SYT2: variants seen among roughly 807,000 people sequenced by gnomAD.
The protein encoded by SYT2 is synaptotagmin-2.
SYT2 carries 15 observed loss-of-function variants against 39.9 expected under a neutral mutation model. That is an observed-to-expected ratio of 0.38 (90% confidence interval 0.25 to 0.58). The LOEUF is 0.58. Among genes scored for constraint, SYT2 ranks in the 20% least tolerant of loss-of-function variants. The pLI is 0.70. For synonymous variants in SYT2, 181 were observed against 204.5 expected (o/e 0.89, Z 0.98); for missense variants, 389 against 530.3 (o/e 0.73, Z 2.62).
intron 1 of SYT2, among the ~76,000 whole-genome samples, chr1:202,698,423 T>C (rs1241683318): frequency 6.6e-6 from 1 of 152,090 alleles, no homozygotes; most frequent in Non-Finnish European, 1.5e-5. Flanking sequence ...TCCTCCACCA[T>C]CCTGCAGAGC....
chr1:202,604,707 A>T, intron 2 of SYT2, 86 bp from the exon 3 acceptor site: 1 of 1,353,682 alleles, frequency 7.4e-7, no homozygotes, highest in Non-Finnish European at 1.0e-6. Context: ...TGGGTGAGGA[A>T]TATGACTGCC....
chr1:202,617,608 A>G (rs1043642936), intron 1 of SYT2, among the ~76,000 whole-genome samples: 2 of 152,168 alleles, frequency 1.3e-5, no homozygotes, highest in Admixed American at 1.3e-4. Context: ...AATACAGTCT[A>G]CACATCTTTC....
intron 1 of SYT2, among the ~76,000 whole-genome samples, chr1:202,650,844 A>G (rs1486620980): frequency 1.3e-5 from 2 of 152,172 alleles, no homozygotes; most frequent in Non-Finnish European, 2.9e-5. Context: ...ATGGCTTCTG[A>G]GTGGCTCTTG....
In SYT2 at chr1:202,592,546, C is replaced by G. The variant is rs1016537216; in HGVS notation, c.*4211G>C. On this transcript the variant is annotated 3_prime_UTR_variant, in exon 9 of 9. Transcript: ENST00000367268. Reference sequence around the variant, plus strand: ...TTTACAGAAAGTTATAGACATGCATCTTGATTAAACAAGATTCTGTTCATA... The same window carrying G: ...TTTACAGAAAGTTATAGACATGCATGTTGATTAAACAAGATTCTGTTCATA... 6.6e-6 allele frequency: 1 copy of G among 152,232 alleles called. No individual in the cohort carries two copies. The highest frequency in any genetic ancestry group is 6.5e-5 in the Admixed American group (1 of 15,286). 9.4% of individuals were successfully genotyped at this position (152,232 alleles called of 1,614,324 possible).
chr1:202,701,689 G>A (rs978414156), intron 1 of SYT2, among the ~76,000 whole-genome samples: 2 of 152,176 alleles, frequency 1.3e-5, no homozygotes, highest in Non-Finnish European at 2.9e-5. Context: ...CACCATCAAT[G>A]TCAAGCATGG....
intron 1 of SYT2, among the ~76,000 whole-genome samples, chr1:202,634,891 G>A (rs541281700): frequency 2.0e-5 from 3 of 152,252 alleles, no homozygotes; most frequent in African/African-American, 4.8e-5. Context: ...TGGAAGAATC[G>A]AGGGTGACTG....
chr1:202,607,191 C>A (rs1053767069), intron 1 of SYT2, among the ~76,000 whole-genome samples: 5 of 152,286 alleles, frequency 3.3e-5, no homozygotes, highest in Non-Finnish European at 7.4e-5. Context: ...AACTGAAAGT[C>A]CCATGAGGGC....
chr1:202,689,727 A>C, intron 1 of SYT2, among the ~76,000 whole-genome samples: 1 of 152,074 alleles, frequency 6.6e-6, no homozygotes, highest in East Asian at 1.9e-4. Flanking sequence ...ATCCTCTCAG[A>C]CATCCCAGGG....
At chr1:202,612,963 T>C (rs1411590581) in intron 1 of SYT2, among the ~76,000 whole-genome samples, 1 of 152,190 alleles carries the variant, frequency 6.6e-6, no homozygotes, top group Non-Finnish European at 1.5e-5. Flanking sequence ...GGAATTGTTT[T>C]CTTAATTTCA....
intron 1 of SYT2, among the ~76,000 whole-genome samples, chr1:202,676,875 T>G (rs1009679840): frequency 6.6e-6 from 1 of 152,314 alleles, no homozygotes; most frequent in Admixed American, 6.5e-5. Context: ...CTAATTGTAA[T>G]CCCCACATGT....
Position 202,679,054 on chromosome 1 carries a change from C to T in SYT2, c.-18+31204G>A, listed in dbSNP as rs1653458970. 3.9e-5 allele frequency among the ~76,000 whole-genome samples: 6 copies of T among 152,210 alleles called. No homozygotes were observed. The South Asian group carries it at 1.2e-3, about 32-fold the overall frequency. On this transcript the variant is annotated intron_variant, in intron 1 of 8. Coordinates refer to ENST00000367268, the MANE Select transcript of SYT2 (RefSeq NM_177402.5). ...CCATGCAAGCATTTGCCAAGGGCCA[C>T]ACCCCTTCTGCCCTCTCTCCCTTGC... is the stretch of plus-strand genomic sequence containing the variant.
chr1:202,613,591 A>G (rs1474362189), intron 1 of SYT2, among the ~76,000 whole-genome samples: 3 of 151,986 alleles, frequency 2.0e-5, no homozygotes, highest in South Asian at 4.1e-4. Flanking sequence ...TCTTTGGGGG[A>G]AAATCTTTCA....
chr1:202,691,862 AGC>A (rs1653846245), intron 1 of SYT2, among the ~76,000 whole-genome samples: 1 of 151,376 alleles, frequency 6.6e-6, no homozygotes, highest in South Asian at 2.1e-4. Context: ...GGAGCCTGGA[AGC>A]AGAGGATGAC....
chr1:202,708,638 C>T (rs1408486814), intron 1 of SYT2, among the ~76,000 whole-genome samples: 1 of 152,028 alleles, frequency 6.6e-6, no homozygotes, highest in Non-Finnish European at 1.5e-5. Flanking sequence ...GTGTGCCTGG[C>T]GTGGACCCCT....
chr1:202,595,409 A>G lies in SYT2; in HGVS notation c.*1348T>C, dbSNP rs1310456991. 6.6e-6 allele frequency: 1 copy of G among 152,208 alleles called. No individual in the cohort carries two copies. The highest frequency in any genetic ancestry group is 1.5e-5 in the Non-Finnish European group (1 of 68,046). The allele number at this position is 152,208 out of a possible 1,614,324, so 9.4% of individuals were successfully genotyped here. On this transcript the variant is annotated 3_prime_UTR_variant, in exon 9 of 9. Transcript: ENST00000367268. ...CCTAATGGTAGGACGGGTCCTTCCC[A>G]TAGGTCTCCCTGGGCCACTCCAGCT...
chr1:202,605,662 C>T lies in SYT2; in HGVS notation c.111G>A (p.Gly37=). Residue 37 remains glycine, a synonymous_variant, in exon 2 of 9, where the codon GGG becomes GGA. Transcript: ENST00000367268. The part of the protein sequence containing the change: ...VDNSTESGGA[G]ESQEDMFAKL... ...TGGCAAACATGTCCTCCTGGCTCTC[C>T]CCAGCACCCCCACTCTCAGTGGAGT... 6.2e-7 allele frequency: 1 copy of T among 1,613,936 alleles called. No individual in the cohort carries two copies. Among genetic ancestry groups the T allele is most frequent in the Non-Finnish European group, 8.5e-7 (1 of 1,179,878 alleles).
At chr1:202,627,542 T>C (rs1691451570) in intron 1 of SYT2, 1 of 984,926 alleles carries the variant, frequency 1.0e-6, no homozygotes, top group Admixed American at 6.2e-5. Context: ...CTTGCAGTGC[T>C]CCACTATAGG....
chr1:202,635,264 G>A (rs1369399907), intron 1 of SYT2, among the ~76,000 whole-genome samples: 1 of 152,090 alleles, frequency 6.6e-6, no homozygotes, highest in Non-Finnish European at 1.5e-5. Context: ...TGGAAAGCAG[G>A]TCTGCCCTTA....
intron 1 of SYT2, among the ~76,000 whole-genome samples, chr1:202,649,764 T>C (rs1288376821): frequency 6.6e-6 from 1 of 152,216 alleles, no homozygotes; most frequent in African/African-American, 2.4e-5. Flanking sequence ...TTTGTCCCCA[T>C]TTCACAGCTG....
Sources: allele counts gnomAD v4.1 joint callset (sites outside exome capture counted in the v4.1 genomes callset), GRCh38; gene constraint gnomAD v4.1.1; transcripts MANE v1.5; gene names NCBI Gene and HGNC (gene_info 2026-07-23, HGNC 2026-07-21).